Variants in CRK observed in about 807,000 individuals in gnomAD.
CRK encodes the protein CRK proto-oncogene, adaptor protein.
In CRK, 4 loss-of-function variants were observed where a neutral mutation model predicts 29.8. That is an observed-to-expected ratio of 0.13 (90% CI 0.07 to 0.31). CRK has a LOEUF of 0.31. Among genes scored for constraint, CRK ranks in the 10% least tolerant of loss-of-function variants. The pLI is 1.00. For missense variants in CRK, 274 were observed against 396.5 expected, an observed-to-expected ratio of 0.69 and a Z score of 2.62; for synonymous variants, 153 against 164.9, an observed-to-expected ratio of 0.93 and a Z score of 0.55.
chr17:1,450,480 C>G (rs117038372), intron 1 of CRK, among the ~76,000 whole-genome samples: 2,952 of 151,912 alleles, frequency 0.019, 50 homozygotes, highest in East Asian at 0.089. Context: ...GCCCTCCGGC[C>G]CGGCGTGGGC....
chr17:1,435,110 A>G (rs2073877137), intron 2 of CRK, among the ~76,000 whole-genome samples: 1 of 151,846 alleles, frequency 6.6e-6, no homozygotes, highest in South Asian at 2.1e-4. Context: ...CCCAGGCTGG[A>G]GTGCAGTGTC....
At position 1,422,621 on chromosome 17, in the gene CRK, T is replaced by C; in HGVS notation, c.*892A>G. The C allele has an allele frequency of 7.9e-6, 2 of 253,042 alleles. No individual in the cohort carries two copies. Among genetic ancestry groups the C allele is most frequent in the Non-Finnish European group, 7.4e-6 (1 of 134,412 alleles). 15.7% of individuals were successfully genotyped at this position (253,042 alleles called of 1,614,324 possible). ...GGTCCTTCCACTCTTGAGTAGAACC[T>C]AAGAATTCCAAGAGTCTCCTAATAG... On this transcript the variant is annotated 3_prime_UTR_variant, in exon 3 of 3. Transcript: ENST00000300574.
chr17:1,448,314 T>C (rs1199302757), intron 1 of CRK, among the ~76,000 whole-genome samples: 2 of 152,012 alleles, frequency 1.3e-5, no homozygotes, highest in Non-Finnish European at 2.9e-5. Flanking sequence ...AATACCTATC[T>C]AATAAATAAA....
intron 2 of CRK, among the ~76,000 whole-genome samples, chr17:1,431,594 C>G (rs1426259689): frequency 6.6e-6 from 1 of 151,996 alleles, no homozygotes; most frequent in Non-Finnish European, 1.5e-5. Flanking sequence ...ACTTGGTGTA[C>G]TAGTTTTTTT....
intron 2 of CRK, among the ~76,000 whole-genome samples, chr17:1,433,609 C>G (rs190283803): frequency 1.7e-4 from 25 of 146,738 alleles, no homozygotes; most frequent in Non-Finnish European, 3.4e-4. Context: ...ATCTCTGCCT[C>G]CCGGGTTCAA....
intron 2 of CRK, among the ~76,000 whole-genome samples, chr17:1,428,520 TC>T (rs1171685109): frequency 2.0e-5 from 2 of 101,176 alleles, no homozygotes; most frequent in African/African-American, 4.2e-5. Flanking sequence ...CCATATCAGA[TC>T]TTTTTTTTTT....
At chr17:1,423,705 A>G (rs529457046) in intron 2 of CRK, 55 bp from the exon 3 acceptor site, 1 of 1,603,396 alleles carries the variant, frequency 6.2e-7, no homozygotes, top group African/African-American at 1.3e-5. Context: ...TGCAAGCTGA[A>G]CAACTCCATT....
chr17:1,446,590 CTTT>C (rs56660089), intron 1 of CRK, among the ~76,000 whole-genome samples: 15 of 125,446 alleles, frequency 1.2e-4, no homozygotes, highest in East Asian at 4.5e-4. Context: ...CTCACTATGA[CTTT>C]TTTTTTTTTT....
intron 2 of CRK, among the ~76,000 whole-genome samples, chr17:1,427,260 C>G (rs1455564635): frequency 2.0e-5 from 3 of 150,032 alleles, no homozygotes; most frequent in Non-Finnish European, 4.4e-5. Context: ...TGCACCCCAC[C>G]CTGGTGGAGA....
intron 1 of CRK, among the ~76,000 whole-genome samples, chr17:1,449,832 C>T (rs912470223): frequency 2.6e-5 from 4 of 152,154 alleles, no homozygotes; most frequent in Admixed American, 6.5e-5. Context: ...AAGCTGAGGA[C>T]CCAAGACAAG....
chr17:1,440,145 A>G (rs1382444187), intron 1 of CRK, among the ~76,000 whole-genome samples: 1 of 151,770 alleles, frequency 6.6e-6, no homozygotes, highest in Non-Finnish European at 1.5e-5. Context: ...TAAAAATACA[A>G]AAAATTAGCT....
intron 2 of CRK, among the ~76,000 whole-genome samples, chr17:1,433,325 C>G (rs1260816124): frequency 6.6e-6 from 1 of 152,078 alleles, no homozygotes; most frequent in African/African-American, 2.4e-5. Context: ...ATGCCTTGAT[C>G]CAGACTTGCT....
intron 2 of CRK, among the ~76,000 whole-genome samples, chr17:1,425,227 C>T (rs1159661419): frequency 1.3e-5 from 2 of 151,720 alleles, no homozygotes; most frequent in African/African-American, 2.4e-5. Context: ...GTAGCTGGGA[C>T]TACAGCCGCC....
At chr17:1,449,777 G>C (rs2074003556) in intron 1 of CRK, among the ~76,000 whole-genome samples, 1 of 152,138 alleles carries the variant, frequency 6.6e-6, no homozygotes, top group African/African-American at 2.4e-5. Flanking sequence ...CCTTCCTTAT[G>C]GCCCCAGGGA....
chr17:1,450,319 T>C (rs966473096), intron 1 of CRK, among the ~76,000 whole-genome samples: 18 of 151,668 alleles, frequency 1.2e-4, no homozygotes, highest in East Asian at 5.9e-4. Context: ...CCATCCTGGC[T>C]AACACGGTGA....
intron 1 of CRK, among the ~76,000 whole-genome samples, chr17:1,442,695 C>T (rs1039718307): frequency 6.8e-6 from 1 of 148,082 alleles, no homozygotes; most frequent in Non-Finnish European, 1.5e-5. Context: ...GCAACCTCCA[C>T]CCTCTGTGTT....
chr17:1,440,997 C>T (rs1421202566), intron 1 of CRK, among the ~76,000 whole-genome samples: 1 of 152,222 alleles, frequency 6.6e-6, no homozygotes, highest in Non-Finnish European at 1.5e-5. Flanking sequence ...GGCGGGAGTG[C>T]AGACCTCAGC....
At chr17:1,446,125 T>C (rs1024288394) in intron 1 of CRK, among the ~76,000 whole-genome samples, 1 of 152,142 alleles carries the variant, frequency 6.6e-6, no homozygotes, top group African/African-American at 2.4e-5. Context: ...AATGCCTTCC[T>C]AGACTGGAGA....
intron 1 of CRK, 130 bp downstream of exon 1, chr17:1,455,747 G>A (rs2074051286): frequency 1.6e-6 from 2 of 1,280,030 alleles, no homozygotes; most frequent in South Asian, 3.8e-5. Context: ...GCAGCCGGCG[G>A]GCCCCTGCCA....
Sources: allele counts gnomAD v4.1 joint callset (sites outside exome capture counted in the v4.1 genomes callset), GRCh38; gene constraint gnomAD v4.1.1; transcripts MANE v1.5; gene names NCBI Gene and HGNC (gene_info 2026-07-23, HGNC 2026-07-21).